Variants in DCC observed in about 807,000 individuals in gnomAD.
The protein encoded by DCC is DCC netrin 1 receptor, also known as netrin receptor DCC.
A neutral mutation model predicts 172.5 loss-of-function variants in DCC; 58 were observed. The ratio of observed to expected loss-of-function variants is 0.34; its 90% CI spans 0.27 to 0.42. The LOEUF is 0.42. Among genes scored for constraint, DCC ranks in the 10% least tolerant of loss-of-function variants. The pLI is 1.00. For missense variants in DCC, 1,740 were observed against 1,791.0 expected (o/e 0.97, Z 0.51); for synonymous variants, 709 against 644.5 (o/e 1.10, Z -1.52).
chr18:52,785,898 A>T (rs1056308626), intron 2 of DCC, among the ~76,000 whole-genome samples: 11 of 152,180 alleles, frequency 7.2e-5, no homozygotes, highest in South Asian at 4.1e-4. Context: ...TATTTTTAGG[A>T]CAAGTATTTA....
intron 3 of DCC, 100 bp from the exon 4 acceptor site, chr18:52,923,607 A>G (rs2040156499): frequency 1.5e-5 from 14 of 957,274 alleles, no homozygotes; most frequent in South Asian, 1.2e-4. Flanking sequence ...GCATCTTTTC[A>G]TTTTTCTTTC....
chr18:53,258,973 G>C (rs542424110), intron 12 of DCC, among the ~76,000 whole-genome samples: 1 of 151,920 alleles, frequency 6.6e-6, no homozygotes, highest in East Asian at 1.9e-4. Flanking sequence ...ATGGCCTTCT[G>C]TGTCTCTTTT....
At chr18:52,675,576 C>T (rs568556132) in intron 1 of DCC, among the ~76,000 whole-genome samples, 1 of 152,306 alleles carries the variant, frequency 6.6e-6, no homozygotes, top group East Asian at 1.9e-4. Flanking sequence ...TCAGGACCTT[C>T]TGAGGACCGT....
At chr18:53,153,054 G>A (rs540465919) in intron 7 of DCC, among the ~76,000 whole-genome samples, 1 of 152,268 alleles carries the variant, frequency 6.6e-6, no homozygotes, top group East Asian at 1.9e-4. Context: ...CTCCCTGGGT[G>A]GGTTGGAGAT....
intron 2 of DCC, among the ~76,000 whole-genome samples, chr18:52,785,824 A>G (rs933499802): frequency 3.9e-5 from 6 of 152,206 alleles, no homozygotes; most frequent in Admixed American, 3.9e-4. Context: ...TCTGCAGACC[A>G]TCTAAGGCAT....
chr18:52,889,540 G>GGT (rs1211818653), intron 2 of DCC, among the ~76,000 whole-genome samples: 1 of 152,070 alleles, frequency 6.6e-6, no homozygotes, highest in Admixed American at 6.6e-5. Flanking sequence ...AAGCCATCAA[G>GGT]GTAAAGCAGG....
At position 52,347,035 on chromosome 18, in the gene DCC, G is replaced by C. The variant is rs1443574; in HGVS notation, c.91+6157G>C. Among the ~76,000 whole-genome samples the C allele has an allele frequency of 2.6e-5, 4 of 152,214 alleles. No homozygotes were observed. In the East Asian group the frequency reaches 7.7e-4, roughly 29 times the overall value. ...TTCCTGGTTCATCCTTTAAATATTG[G>C]TTCTTGCCTGAAGGCTACTCCTAAG... On this transcript the variant is annotated intron_variant, in intron 1 of 28. Coordinates refer to ENST00000442544, the MANE Select transcript of DCC (RefSeq NM_005215.4).
chr18:52,545,961 A>C (rs2032601164), intron 1 of DCC, among the ~76,000 whole-genome samples: 1 of 152,214 alleles, frequency 6.6e-6, no homozygotes, highest in Non-Finnish European at 1.5e-5. Flanking sequence ...AAAGAAATTA[A>C]ATATGTACCA....
chr18:53,526,869 C>CACCCCAGGCT (rs1418337979), intron 28 of DCC, 110 bp downstream of exon 28: 2 of 1,105,574 alleles, frequency 1.8e-6, no homozygotes, highest in South Asian at 2.5e-5. Context: ...CACCCCAGGC[C>CACCCCAGGCT]ATTGTTGTTC....
chr18:52,992,732 T>C (rs567768214), intron 5 of DCC, among the ~76,000 whole-genome samples: 1 of 152,168 alleles, frequency 6.6e-6, no homozygotes, highest in Admixed American at 6.5e-5. Context: ...TCCCAGCACT[T>C]AAGGAGGCCA....
At chr18:53,521,710 A>G (rs1438889110) in intron 27 of DCC, among the ~76,000 whole-genome samples, 1 of 152,160 alleles carries the variant, frequency 6.6e-6, no homozygotes, top group Non-Finnish European at 1.5e-5. Flanking sequence ...TTAAACATGC[A>G]TTGCATGTGT....
intron 15 of DCC, among the ~76,000 whole-genome samples, chr18:53,352,433 A>G (rs2057822767): frequency 6.6e-6 from 1 of 152,088 alleles, no homozygotes; most frequent in Non-Finnish European, 1.5e-5. Context: ...CTTGTTGATG[A>G]ATACTTTATC....
At chr18:53,359,263 C>T (rs1238791854) in intron 15 of DCC, among the ~76,000 whole-genome samples, 2 of 152,114 alleles carry the variant, frequency 1.3e-5, no homozygotes, top group Non-Finnish European at 2.9e-5. Context: ...TTCCAAGAGT[C>T]CATGCTGTAT....
At chr18:52,732,439 T>C (rs2036657548) in intron 1 of DCC, among the ~76,000 whole-genome samples, 2 of 152,186 alleles carry the variant, frequency 1.3e-5, no homozygotes, top group South Asian at 4.1e-4. Context: ...CAACTATTAT[T>C]ACGTTATGTG....
chr18:52,395,028 A>C (rs924672481), intron 1 of DCC, among the ~76,000 whole-genome samples: 1 of 151,980 alleles, frequency 6.6e-6, no homozygotes. Context: ...GAAATGGGAG[A>C]GGGGAAAAAC....
chr18:52,428,635 A>G (rs1145241), intron 1 of DCC, among the ~76,000 whole-genome samples: 134,967 of 152,102 alleles, frequency 0.89, 59,933 homozygotes, highest in African/African-American at 0.93. Context: ...ATCATTAGCC[A>G]TATTGTTACC....
chr18:52,654,829 C>T (rs1296701447), intron 1 of DCC, among the ~76,000 whole-genome samples: 1 of 152,100 alleles, frequency 6.6e-6, no homozygotes, highest in African/African-American at 2.4e-5. Flanking sequence ...GAAATCCAGG[C>T]ATGATAGTTC....
At chr18:52,789,448 TAA>T (rs1201360118) in intron 2 of DCC, among the ~76,000 whole-genome samples, 3 of 152,102 alleles carry the variant, frequency 2.0e-5, no homozygotes, top group African/African-American at 7.2e-5. Context: ...GAGACAAACA[TAA>T]AGGCCTTTTA....
intron 1 of DCC, among the ~76,000 whole-genome samples, chr18:52,551,261 A>G (rs2032762480): frequency 6.6e-6 from 1 of 151,948 alleles, no homozygotes; most frequent in Non-Finnish European, 1.5e-5. Flanking sequence ...GGTACGATCT[A>G]TGTAGGAGGG....
Sources: gnomAD v4.1 joint callset for allele counts (sites outside exome capture counted in the v4.1 genomes callset) on GRCh38, gnomAD v4.1.1 for gene constraint, MANE v1.5 for transcripts, NCBI Gene and HGNC (gene_info 2026-07-23, HGNC 2026-07-21) for gene names.